Variants in ATP2B2 observed in about 807,000 individuals in gnomAD.
The protein encoded by ATP2B2 is ATPase plasma membrane Ca2+ transporting 2, also known as plasma membrane calcium-transporting ATPase 2.
Under a neutral mutation model 120.0 loss-of-function variants are expected in ATP2B2, and 15 were observed. The observed-to-expected ratio is 0.12, with a 90% CI of 0.08 to 0.19. The LOEUF (loss-of-function observed/expected upper bound fraction) is 0.19. ATP2B2 is among the 10% of genes least tolerant of loss of function. ATP2B2 has a pLI of 1.00. For missense variants in ATP2B2, 1,045 were observed against 1,719.8 expected (o/e 0.61, Z 6.94); for synonymous variants, 694 against 700.3 (o/e 0.99, Z 0.14).
At chr3:10,566,991 G>C (rs907152491) in intron 2 of ATP2B2, among the ~76,000 whole-genome samples, 1 of 152,208 alleles carries the variant, frequency 6.6e-6, no homozygotes, top group Non-Finnish European at 1.5e-5. Context: ...TGTATGATAG[G>C]TCTTCAATGT....
chr3:10,688,755 T>C (rs1166590823), intron 1 of ATP2B2, among the ~76,000 whole-genome samples: 1 of 152,192 alleles, frequency 6.6e-6, no homozygotes, highest in African/African-American at 2.4e-5. Flanking sequence ...CTCACCAAAA[T>C]GCAAGCCATT....
At chr3:10,553,223 T>C (rs1358270604) in intron 2 of ATP2B2, among the ~76,000 whole-genome samples, 1 of 152,250 alleles carries the variant, frequency 6.6e-6, no homozygotes, top group Non-Finnish European at 1.5e-5. Context: ...AGGTTCTAGA[T>C]TCAGACCTAG....
chr3:10,349,193 C>G (rs995983897), intron 16 of ATP2B2, among the ~76,000 whole-genome samples: 7 of 152,244 alleles, frequency 4.6e-5, no homozygotes, highest in Admixed American at 3.3e-4. Context: ...TGGCTCCTAC[C>G]TGTAATCCCA....
At chr3:10,349,869 C>T (rs529881885) in intron 16 of ATP2B2, among the ~76,000 whole-genome samples, 1 of 152,292 alleles carries the variant, frequency 6.6e-6, no homozygotes, top group African/African-American at 2.4e-5. Flanking sequence ...CCACACAGGC[C>T]CAGGTCCATT....
At chr3:10,369,043 G>A (rs1356595883) in intron 12 of ATP2B2, among the ~76,000 whole-genome samples, 3 of 152,210 alleles carry the variant, frequency 2.0e-5, no homozygotes, top group Non-Finnish European at 2.9e-5. Flanking sequence ...GCCTCCTTGT[G>A]GAGGGGGAAA....
rs184275528 is a variant in ATP2B2 at position 10,557,428 on chromosome 3, G to A, written c.-414-23295C>T. ...GAAGCTAGATTCCCAGGGAGTTTGT[G>A]CCCCTGCTGCAGCATGATGGAAGGA... On this transcript the variant is annotated intron_variant, in intron 2 of 21. Transcript: ENST00000646379. Among the ~76,000 whole-genome samples the A allele has an allele frequency of 7.9e-5, 12 of 152,350 alleles. No homozygotes were observed. The East Asian group carries it at 2.3e-3, about 29-fold the overall frequency.
chr3:10,388,082 T>C (rs1312134849), intron 6 of ATP2B2, 195 bp downstream of exon 6: 2 of 726,256 alleles, frequency 2.8e-6, no homozygotes, highest in Non-Finnish European at 4.6e-6. Context: ...AGACAGAGAC[T>C]GGGACAAGAC....
intron 14 of ATP2B2, among the ~76,000 whole-genome samples, chr3:10,354,712 T>C (rs886269448): frequency 3.9e-5 from 6 of 152,136 alleles, no homozygotes; most frequent in African/African-American, 1.4e-4. Flanking sequence ...AGGAAGGCAA[T>C]GTGGAGATTC....
intron 2 of ATP2B2, among the ~76,000 whole-genome samples, chr3:10,425,009 G>A (rs573881174): frequency 6.6e-6 from 1 of 152,178 alleles, no homozygotes; most frequent in Non-Finnish European, 1.5e-5. Flanking sequence ...TTTTAATTTT[G>A]GCTGGGCACG....
At chr3:10,541,810 G>A (rs78523063) in intron 2 of ATP2B2, among the ~76,000 whole-genome samples, 10,621 of 152,154 alleles carry the variant, frequency 0.07, 425 homozygotes, top group Middle Eastern at 0.14. Context: ...AAGTTCTTCC[G>A]TATTCCTGCT....
chr3:10,398,759 CAG>C (rs372451975), intron 5 of ATP2B2, among the ~76,000 whole-genome samples: 50 of 152,344 alleles, frequency 3.3e-4, no homozygotes, highest in Non-Finnish European at 6.3e-4. Flanking sequence ...CACACACAGC[CAG>C]AGAGCTCCCC....
intron 3 of ATP2B2, among the ~76,000 whole-genome samples, chr3:10,528,068 C>T (rs181036356): frequency 0.011 from 1,677 of 152,276 alleles, 105 homozygotes; most frequent in Admixed American, 0.099. Flanking sequence ...ACATGGGTGG[C>T]GGGCATAACT....
intron 2 of ATP2B2, among the ~76,000 whole-genome samples, chr3:10,596,374 G>C (rs2068764323): frequency 6.6e-6 from 1 of 152,264 alleles, no homozygotes; most frequent in African/African-American, 2.4e-5. Context: ...ATCATGTGCA[G>C]TGTAGACACT....
intron 19 of ATP2B2, among the ~76,000 whole-genome samples, chr3:10,341,046 G>A (rs73127701): frequency 0.013 from 2,053 of 152,266 alleles, 58 homozygotes; most frequent in African/African-American, 0.046. Flanking sequence ...TCTGGACTGC[G>A]AGGACAGGAT....
chr3:10,369,335 G>T (rs1316966908), intron 12 of ATP2B2, among the ~76,000 whole-genome samples: 1 of 152,146 alleles, frequency 6.6e-6, no homozygotes, highest in African/African-American at 2.4e-5. Context: ...CACATGGCTG[G>T]CAGGCCCTGG....
chr3:10,397,849 C>T lies in ATP2B2; in HGVS notation c.781+3104G>A, dbSNP rs534884548. ...CGGTGACGGGGAACTCACTCTCTTA[C>T]AGGCAGCCTCTTTTGTCTGATAATG... On this transcript the variant is annotated intron_variant, in intron 5 of 22. Coordinates refer to ENST00000360273, the MANE Select transcript of ATP2B2 (RefSeq NM_001001331.4). Among the ~76,000 whole-genome samples, 113 of 152,322 alleles carry T rather than the reference C, an allele frequency of 7.4e-4. 6 individuals carry two copies. In the South Asian group the frequency reaches 0.021, roughly 28 times the overall value.
At chr3:10,554,293 T>C (rs1454911164) in intron 2 of ATP2B2, among the ~76,000 whole-genome samples, 2 of 152,000 alleles carry the variant, frequency 1.3e-5, no homozygotes, top group African/African-American at 2.4e-5. Flanking sequence ...TTTCCAGGTG[T>C]GGAAGGCAGA....
At chr3:10,592,716 A>G (rs945316986) in intron 2 of ATP2B2, among the ~76,000 whole-genome samples, 1 of 152,120 alleles carries the variant, frequency 6.6e-6, no homozygotes, top group Admixed American at 6.5e-5. Flanking sequence ...ACCCAAACAC[A>G]AGTTAGTTTT....
intron 2 of ATP2B2, among the ~76,000 whole-genome samples, chr3:10,415,844 T>C (rs2062762621): frequency 6.6e-6 from 1 of 152,174 alleles, no homozygotes; most frequent in Admixed American, 6.5e-5. Flanking sequence ...AGATGCTATG[T>C]GGGGTTGTAG....
Sources: allele counts gnomAD v4.1 joint callset (sites outside exome capture counted in the v4.1 genomes callset), GRCh38; gene constraint gnomAD v4.1.1; transcripts MANE v1.5; gene names NCBI Gene and HGNC (gene_info 2026-07-23, HGNC 2026-07-21).